The following LRRC9 variants were observed in gnomAD, a reference collection of about 807,000 sequenced individuals.
LRRC9 encodes the protein leucine-rich repeat-containing protein 9.
In LRRC9, 122 loss-of-function variants were observed where a neutral mutation model predicts 63.2. The ratio of observed to expected loss-of-function variants is 1.93; its 90% confidence interval spans 1.67 to 2.24. LRRC9 has a LOEUF of 2.24. Ranked by LOEUF, LRRC9 falls within the 30% of genes most tolerant of loss-of-function variation. LRRC9 has a pLI of 0.00. For missense variants in LRRC9, 1,071 were observed against 627.7 expected, an observed-to-expected ratio of 1.71 and a Z score of -7.55; for synonymous variants, 366 against 213.1, an observed-to-expected ratio of 1.72 and a Z score of -6.25.
chr14:59,960,550 T>C (rs564424763), intron 9 of LRRC9, among the ~76,000 whole-genome samples: 3 of 152,234 alleles, frequency 2.0e-5, no homozygotes, highest in Admixed American at 2.0e-4. Flanking sequence ...GATCTGTACA[T>C]GTATTTTGTA....
intron 8 of LRRC9, among the ~76,000 whole-genome samples, chr14:59,949,022 A>G (rs1364031283): frequency 5.8e-5 from 6 of 103,758 alleles, no homozygotes; most frequent in African/African-American, 2.3e-4. Context: ...TGCTGGCCTC[A>G]TAAAATGAGT....
chr14:60,020,872 A>G (rs1199016936), intron 26 of LRRC9, among the ~76,000 whole-genome samples: 1 of 151,832 alleles, frequency 6.6e-6, no homozygotes, highest in Non-Finnish European at 1.5e-5. Context: ...TATGTTACAT[A>G]ATGTTTATTC....
intron 17 of LRRC9, among the ~76,000 whole-genome samples, chr14:59,994,402 C>T (rs1888509715): frequency 6.6e-6 from 1 of 152,178 alleles, no homozygotes; most frequent in Non-Finnish European, 1.5e-5. Flanking sequence ...AACACTTTTA[C>T]ACTGTTGGTG....
Position 60,002,837 on chromosome 14 carries a change from T to C in LRRC9, c.2664+737T>C, listed in dbSNP as rs371867968. On this transcript the variant is annotated intron_variant, in intron 20 of 31. Transcript: ENST00000445360. ...TAACATGTCAGAATAGGCAAGATTCTGATAACATGTCAGAATAGGAAAGCA... is the reference window on the plus strand; with the variant it reads ...TAACATGTCAGAATAGGCAAGATTCCGATAACATGTCAGAATAGGAAAGCA... 1.1e-4 allele frequency among the ~76,000 whole-genome samples: 17 copies of C among 152,236 alleles called. No individual in the cohort carries two copies. In the South Asian group the frequency reaches 1.5e-3, roughly 13 times the overall value.
In LRRC9 at chr14:59,958,543, G is replaced by A. The variant is rs1305972896; in HGVS notation, c.883-1275G>A. ...TGGCAGCGAGAATTTCAAGCTAGTG[G>A]TTCTTAGCTTGCTGGGCTCTGTGGG... On this transcript the variant is annotated intron_variant, in intron 8 of 31. Coordinates refer to ENST00000445360, the Ensembl canonical transcript of LRRC9. The surrounding 1 kb of genome is among the most constrained non-coding windows in gnomAD (Gnocchi z 4.0). 6.6e-6 allele frequency among the ~76,000 whole-genome samples: 1 copy of A among 152,246 alleles called. No individual in the cohort carries two copies. The highest frequency in any genetic ancestry group is 1.5e-5 in the Non-Finnish European group (1 of 68,044).
At chr14:59,956,743 T>C (rs1883795599) in intron 8 of LRRC9, among the ~76,000 whole-genome samples, 1 of 152,248 alleles carries the variant, frequency 6.6e-6, no homozygotes, top group African/African-American at 2.4e-5. Context: ...CATTGGTCTT[T>C]ATATTTTGTT....
rs554146166 is a variant in LRRC9 at position 59,985,169 on chromosome 14, G to A, written c.2156G>A (p.Arg719Gln). The A allele has an allele frequency of 9.0e-5, 62 of 692,736 alleles. 3 individuals are homozygous for A. In the Middle Eastern group the frequency reaches 8.8e-3, roughly 99 times the overall value. 42.9% of individuals were successfully genotyped at this position (692,736 alleles called of 1,614,324 possible). The change falls in exon 17 of 32, where the codon CGA (arginine) becomes CAA (glutamine). Residue 719 changes from arginine (R) to glutamine (Q), a missense_variant. Arg to Gln is a conservative substitution (Grantham distance 43). Transcript: ENST00000445360. ...GATCTCTCCAAGTTAACAGGACTTC[G>A]AAAACTAAACATTAGCTTTAATGAA...
At chr14:60,006,703 A>C (rs1889836240) in intron 22 of LRRC9, 86 bp downstream of exon 22, 1 of 525,828 alleles carries the variant, frequency 1.9e-6, no homozygotes, top group Non-Finnish European at 3.3e-6. Context: ...ATTGCACAGA[A>C]TTTGGAAAAT....
intron 6 of LRRC9, among the ~76,000 whole-genome samples, chr14:59,937,616 A>G (rs1227137725): frequency 6.6e-6 from 1 of 152,164 alleles, no homozygotes; most frequent in Non-Finnish European, 1.5e-5. Context: ...CAAAACTTCA[A>G]TTGGTTCAAT....
At position 60,006,528 on chromosome 14, in the gene LRRC9, T is replaced by C. The variant is rs555566601; in HGVS notation, c.2974T>C (p.Leu992=). 7.1e-5 allele frequency: 50 copies of C among 701,928 alleles called. No homozygotes were observed. In the African/African-American group the frequency reaches 7.7e-4, roughly 11 times the overall value. The allele number at this position is 701,928 out of a possible 1,614,324, so 43.5% of individuals were successfully genotyped here. The change falls in exon 22 of 32, where the codon TTG becomes CTG. Residue 992 remains leucine (L), a synonymous_variant. Transcript: ENST00000445360. ...TCTTGAGAACAACAGAATCACTTCA[T>C]TGAGTGGTTTACAAAAATCTTTTAC... is the stretch of plus-strand genomic sequence containing the variant.
intron 15 of LRRC9, among the ~76,000 whole-genome samples, chr14:59,981,482 G>A (rs953820873): frequency 6.6e-6 from 1 of 152,106 alleles, no homozygotes; most frequent in African/African-American, 2.4e-5. Flanking sequence ...GATTTTAAAA[G>A]TGTTTATCTC....
At chr14:60,057,209 AGCAGAGAAG>A (rs1229525693) in intron 30 of LRRC9, among the ~76,000 whole-genome samples, 1 of 152,202 alleles carries the variant, frequency 6.6e-6, no homozygotes, top group Non-Finnish European at 1.5e-5. Context: ...TCTTAACAAC[AGCAGAGAAG>A]GCATAAATTT....
In LRRC9 at chr14:59,938,990, C is replaced by T. The variant is rs865794622; in HGVS notation, c.726+418C>T. On this transcript the variant is annotated intron_variant, in intron 7 of 31. Coordinates refer to ENST00000445360, the Ensembl canonical transcript of LRRC9. This position sits in a 1 kb window ranked among gnomAD's most constrained non-coding sequence, Gnocchi z 4.2. Reference sequence around the variant, plus strand: ...ATATACATATATACATATATACACACATATATACATATACATATATACACA... The same window carrying T: ...ATATACATATATACATATATACACATATATATACATATACATATATACACA... Among the ~76,000 whole-genome samples, 27 of 127,198 alleles carry T rather than the reference C, an allele frequency of 2.1e-4. No homozygotes were observed. Among genetic ancestry groups the T allele is most frequent in the African/African-American group, 8.2e-4 (27 of 32,750 alleles). 83.4% of individuals were successfully genotyped at this position (127,198 alleles called of 152,430 possible).
intron 29 of LRRC9, among the ~76,000 whole-genome samples, chr14:60,038,378 T>G (rs541290954): frequency 5.9e-5 from 9 of 152,370 alleles, no homozygotes; most frequent in African/African-American, 2.2e-4. Flanking sequence ...TTTCACAATA[T>G]TGATTCTTCC....
intron 8 of LRRC9, among the ~76,000 whole-genome samples, chr14:59,951,793 C>T (rs945805330): frequency 6.6e-6 from 1 of 152,134 alleles, no homozygotes; most frequent in Non-Finnish European, 1.5e-5. Context: ...GGGGGGTAGG[C>T]CTCCCAGTTA....
At position 59,936,483 on chromosome 14, in the gene LRRC9, A is replaced by G. The variant is rs530042305; in HGVS notation, c.544-1907A>G. Among the ~76,000 whole-genome samples, 1 of 152,246 alleles carries G rather than the reference A, an allele frequency of 6.6e-6. No homozygotes were observed. The highest frequency in any genetic ancestry group is 2.1e-4 in the South Asian group (1 of 4,822). On this transcript the variant is annotated intron_variant, in intron 6 of 31. Coordinates refer to ENST00000445360, the Ensembl canonical transcript of LRRC9. The surrounding 1 kb of genome is among the most constrained non-coding windows in gnomAD (Gnocchi z 4.2). ...ACCAGGCACCAGAGCACTAATTTTCAGTGAGATTTTGTGCCTTTGTAAACT... is the reference window on the plus strand; with the variant it reads ...ACCAGGCACCAGAGCACTAATTTTCGGTGAGATTTTGTGCCTTTGTAAACT...
intron 26 of LRRC9, among the ~76,000 whole-genome samples, chr14:60,019,867 T>C (rs1233760594): frequency 6.6e-6 from 1 of 151,364 alleles, no homozygotes; most frequent in South Asian, 2.1e-4. Context: ...ATACATATCA[T>C]ATATATGATA....
chr14:60,013,245 G>A (rs1890403984), intron 23 of LRRC9, among the ~76,000 whole-genome samples: 1 of 151,838 alleles, frequency 6.6e-6, no homozygotes, highest in Non-Finnish European at 1.5e-5. Flanking sequence ...TAGATATCAA[G>A]GAATATTTAA....
chr14:59,972,760 T>C (rs1296386111), intron 12 of LRRC9, among the ~76,000 whole-genome samples: 3 of 152,106 alleles, frequency 2.0e-5, no homozygotes, highest in African/African-American at 4.8e-5. Flanking sequence ...GGGAACAAAA[T>C]TAACTGACTC....
Sources: gnomAD v4.1 joint callset for allele counts (sites outside exome capture counted in the v4.1 genomes callset) on GRCh38, gnomAD v4.1.1 for gene constraint, Gnocchi (gnomAD v3.1) non-coding constraint, MANE v1.5 for transcripts, NCBI Gene and HGNC (gene_info 2026-07-23, HGNC 2026-07-21) for gene names.